DPH5: variants seen among roughly 807,000 people sequenced by gnomAD.
DPH5 encodes the protein diphthamide biosynthesis 5, also known as diphthine methyl ester synthase.
Under a neutral mutation model 31.6 loss-of-function variants are expected in DPH5, and 31 were observed. That is an observed-to-expected ratio of 0.98 (90% CI 0.74 to 1.32). The LOEUF (loss-of-function observed/expected upper bound fraction) is 1.32. Among genes scored for constraint, DPH5 ranks in the 40% most tolerant of loss-of-function variants. DPH5 has a pLI of 0.00. For synonymous variants in DPH5, 120 were observed against 115.0 expected (o/e 1.04, Z -0.28); for missense variants, 309 against 335.7 (o/e 0.92, Z 0.62).
At chr1:100,998,887 A>G (rs1373355761) in intron 5 of DPH5, among the ~76,000 whole-genome samples, 1 of 152,170 alleles carries the variant, frequency 6.6e-6, no homozygotes, top group East Asian at 1.9e-4. Context: ...GAGCCAGCAA[A>G]CTTCTGAAAG....
In DPH5 at chr1:101,021,792, TAA is replaced by T. The variant is rs751513383; in HGVS notation, c.136-29_136-28del. ...TACAGATATAAGTCCAATATCAAGA[TAA>T]AGAGACAGCAGGTGACCATTCTAAC... On this transcript the variant is annotated intron_variant, in intron 2 of 7. Coordinates refer to ENST00000370109, the MANE Select transcript of DPH5 (RefSeq NM_015958.3). The T allele has an allele frequency of 4.4e-6, 7 of 1,588,734 alleles. No homozygotes were observed. In the East Asian group the frequency reaches 9.1e-5, roughly 21 times the overall value.
intron 4 of DPH5, among the ~76,000 whole-genome samples, chr1:101,011,397 A>G (rs984414985): frequency 1.1e-4 from 17 of 152,226 alleles, no homozygotes; most frequent in Non-Finnish European, 2.2e-4. Context: ...CAGATTAGAT[A>G]ATAAAACTAA....
intron 6 of DPH5, among the ~76,000 whole-genome samples, chr1:100,993,468 A>G (rs1186185104): frequency 6.7e-6 from 1 of 150,078 alleles, no homozygotes; most frequent in Admixed American, 6.7e-5. Flanking sequence ...AGGAGAATCA[A>G]TTGAACCCGG....
At chr1:101,015,428 G>T (rs1660007145) in intron 3 of DPH5, among the ~76,000 whole-genome samples, 1 of 152,196 alleles carries the variant, frequency 6.6e-6, no homozygotes, top group South Asian at 2.1e-4. Flanking sequence ...TCAAGGGTGG[G>T]TTTAAAATAT....
intron 4 of DPH5, among the ~76,000 whole-genome samples, chr1:101,010,151 A>G (rs1659520432): frequency 6.6e-6 from 1 of 152,236 alleles, no homozygotes; most frequent in South Asian, 2.1e-4. Context: ...GGTCAAGTTT[A>G]TCACTGTATC....
At chr1:100,999,290 A>G (rs1214726943) in intron 5 of DPH5, among the ~76,000 whole-genome samples, 3 of 152,030 alleles carry the variant, frequency 2.0e-5, no homozygotes, top group Non-Finnish European at 4.4e-5. Flanking sequence ...TCTTTACAAA[A>G]CATACAAAAA....
At chr1:100,996,887 CA>C (rs1658403128) in intron 5 of DPH5, among the ~76,000 whole-genome samples, 1 of 152,222 alleles carries the variant, frequency 6.6e-6, no homozygotes, top group Admixed American at 6.5e-5. Context: ...CCACAGCAGG[CA>C]TTGAATAAAT....
At chr1:101,004,137 C>A (rs1659060137) in intron 4 of DPH5, among the ~76,000 whole-genome samples, 1 of 152,198 alleles carries the variant, frequency 6.6e-6, no homozygotes, top group African/African-American at 2.4e-5. Flanking sequence ...AAACCTCACA[C>A]AAGCACTGCT....
At chr1:101,001,355 CTG>C in intron 5 of DPH5, 110 bp downstream of exon 5, 1 of 1,061,140 alleles carries the variant, frequency 9.4e-7, no homozygotes, top group Non-Finnish European at 1.4e-6. Flanking sequence ...AATGGCTAGA[CTG>C]TGTCTTTTCT....
chr1:100,993,008 T>G (rs749282125), intron 6 of DPH5, among the ~76,000 whole-genome samples: 1 of 152,174 alleles, frequency 6.6e-6, no homozygotes, highest in Non-Finnish European at 1.5e-5. Context: ...AAAGTTATCT[T>G]TATTCAAAGT....
At chr1:100,993,887 C>T (rs951698639) in intron 6 of DPH5, among the ~76,000 whole-genome samples, 1 of 151,444 alleles carries the variant, frequency 6.6e-6, no homozygotes, top group Admixed American at 6.6e-5. Flanking sequence ...ATTACAGGTG[C>T]CTGCCACCAT....
At chr1:101,025,074 C>T in intron 2 of DPH5, 1 of 500,724 alleles carries the variant, frequency 2.0e-6, no homozygotes, top group Non-Finnish European at 3.5e-6. Flanking sequence ...TTCCTATTTA[C>T]TGGAGAAAGC....
chr1:101,001,034 G>A (rs756700240), intron 5 of DPH5, among the ~76,000 whole-genome samples: 2 of 152,170 alleles, frequency 1.3e-5, no homozygotes, highest in Non-Finnish European at 2.9e-5. Flanking sequence ...GCCTCAATAA[G>A]ATGATCTCCA....
chr1:101,008,115 G>C (rs1659369234), intron 4 of DPH5, among the ~76,000 whole-genome samples: 1 of 152,170 alleles, frequency 6.6e-6, no homozygotes, highest in Admixed American at 6.5e-5. Flanking sequence ...TTGGAAAAGA[G>C]GCTGGCTTTT....
At chr1:101,011,734 G>C (rs1163761858) in intron 4 of DPH5, 1 of 138,562 alleles carries the variant, frequency 7.2e-6, no homozygotes, top group African/African-American at 2.8e-5. Context: ...GCTTAATTTA[G>C]AGCAAAATAT....
chr1:100,990,894 A>G, intron 7 of DPH5, among the ~76,000 whole-genome samples: 1 of 152,250 alleles, frequency 6.6e-6, no homozygotes, highest in African/African-American at 2.4e-5. Context: ...TTGACAAGCT[A>G]TACTTACACT....
chr1:101,025,438 A>C lies in DPH5; in HGVS notation c.6T>G (p.Leu2=). 1 of 1,614,124 alleles carries C rather than the reference A, an allele frequency of 6.2e-7. No individual in the cohort carries two copies. Among genetic ancestry groups the C allele is most frequent in the Non-Finnish European group, 8.5e-7 (1 of 1,180,018 alleles). The change falls in exon 2 of 8, where the codon CTT becomes CTG. Residue 2 remains leucine (L), a synonymous_variant. Coordinates refer to ENST00000370109, the MANE Select transcript of DPH5 (RefSeq NM_015958.3). M[L]YLIGLGLGDA... ...CTCCCAGGCCCAACCCGATGAGATA[A>C]AGCATTTCAAACTTGAGGAGAAGAG...
At chr1:100,999,436 C>T (rs187992373) in intron 5 of DPH5, among the ~76,000 whole-genome samples, 4 of 151,910 alleles carry the variant, frequency 2.6e-5, no homozygotes, top group Admixed American at 6.5e-5. Flanking sequence ...GGAGACAGAG[C>T]GAGACCTTGT....
At chr1:101,009,589 A>G (rs561152225) in intron 4 of DPH5, among the ~76,000 whole-genome samples, 21 of 152,200 alleles carry the variant, frequency 1.4e-4, no homozygotes, top group Non-Finnish European at 2.6e-4. Flanking sequence ...ACAAGCCACC[A>G]TCATCTTTCC....
Sources: allele counts gnomAD v4.1 joint callset (sites outside exome capture counted in the v4.1 genomes callset), GRCh38; gene constraint gnomAD v4.1.1; transcripts MANE v1.5; gene names NCBI Gene and HGNC (gene_info 2026-07-23, HGNC 2026-07-21).